Variants in TMEM35B observed in about 807,000 individuals in gnomAD.
TMEM35B encodes transmembrane protein 35B.
Under a neutral mutation model 8.7 loss-of-function variants are expected in TMEM35B, and 6 were observed. The observed-to-expected ratio is 0.69, with a 90% CI of 0.38 to 1.36. The LOEUF (loss-of-function observed/expected upper bound fraction) is 1.36. Among genes scored for constraint, TMEM35B ranks in the 40% most tolerant of loss-of-function variants. TMEM35B has a pLI of 0.02. For missense variants in TMEM35B, 176 were observed against 181.6 expected, an observed-to-expected ratio of 0.97 and a Z score of 0.18; for synonymous variants, 89 against 87.0, an observed-to-expected ratio of 1.02 and a Z score of -0.13.
downstream of TMEM35B, chr1:34,981,436 C>T (rs1640505776): frequency 6.6e-6 from 1 of 152,140 alleles, no homozygotes; most frequent in Non-Finnish European, 1.5e-5. Context: ...TTGAGAATAA[C>T]CCAAATGTTC....
At chr1:34,984,207 C>A (rs1640538159) in intron 1 of TMEM35B, among the ~76,000 whole-genome samples, 1 of 152,212 alleles carries the variant, frequency 6.6e-6, no homozygotes, top group Non-Finnish European at 1.5e-5. Context: ...AGATTACAAC[C>A]CAGCCCCAAA....
chr1:34,985,312 G>C, exon 1 of TMEM35B: 1 of 1,526,648 alleles, frequency 6.6e-7, no homozygotes, highest in Non-Finnish European at 8.8e-7. Context: ...CCATGGCCGC[G>C]CTCCCCCCAC....
intron 1 of TMEM35B, 82 bp downstream of exon 1, chr1:34,985,116 G>T: frequency 8.7e-7 from 1 of 1,144,656 alleles, no homozygotes; most frequent in Non-Finnish European, 1.2e-6. Context: ...AAGGCGGCCT[G>T]CCGGGCCGGG....
In TMEM35B at chr1:34,983,966, GC is replaced by G. The variant is rs1640535109; in HGVS notation, c.109-20del. 2.1e-6 allele frequency: 3 copies of G among 1,447,886 alleles called. No individual in the cohort carries two copies. The highest frequency in any genetic ancestry group is 2.7e-6 in the Non-Finnish European group (3 of 1,091,058). 89.7% of individuals were successfully genotyped at this position (1,447,886 alleles called of 1,614,324 possible). On this transcript the variant is annotated intron_variant, in intron 1 of 2. Transcript: ENST00000373337. ...GGGCATTCTAGGGGTGGCAAGGAAT[GC>G]CTGTTAGCCTCATTGTTCAACAAGG...
In TMEM35B at chr1:34,983,728, C is replaced by G. The variant is rs928255436; in HGVS notation, c.289+39G>C. The G allele has an allele frequency of 1.3e-5, 19 of 1,432,746 alleles. No homozygotes were observed. In the Admixed American group the frequency reaches 2.1e-4, roughly 16 times the overall value. The allele number at this position is 1,432,746 out of a possible 1,614,324, so 88.8% of individuals were successfully genotyped here. A position where few individuals can be genotyped will look rare whatever the true frequency, so the allele number is the denominator to read the frequency against. ...GCCAGGTCTTTCCATAATCCTCCCC[C>G]AGAAGACCCCATTTTCTCAGGCCAG... is the stretch of plus-strand genomic sequence containing the variant. On this transcript the variant is annotated intron_variant, in intron 2 of 2. Transcript: ENST00000373337.
chr1:34,984,861 G>A (rs761345924), intron 1 of TMEM35B, among the ~76,000 whole-genome samples: 150 of 149,092 alleles, frequency 1.0e-3, no homozygotes, highest in Non-Finnish European at 1.9e-3. Context: ...CGAAAAGAGG[G>A]AAGAGAGCGG....
chr1:34,981,758 T>C (rs1640508989), exon 3 of TMEM35B: 2 of 406,858 alleles, frequency 4.9e-6, no homozygotes, highest in Non-Finnish European at 8.3e-6. Flanking sequence ...GGAATGTTAA[T>C]ATGCATAACA....
chr1:34,983,838 C>G, exon 2 of TMEM35B: 1 of 1,546,858 alleles, frequency 6.5e-7, no homozygotes, highest in South Asian at 1.2e-5. Flanking sequence ...CAGCAGCAAC[C>G]CAGCCAGCAG....
At chr1:34,985,079 C>T (rs1467213998) in intron 1 of TMEM35B, 119 bp downstream of exon 1, 1 of 732,920 alleles carries the variant, frequency 1.4e-6, no homozygotes, top group South Asian at 2.4e-5. Flanking sequence ...CGCTTTCCCC[C>T]AGCTCCAGCT....
chr1:34,983,894 G>A, exon 2 of TMEM35B: 1 of 1,542,888 alleles, frequency 6.5e-7, no homozygotes, highest in South Asian at 1.2e-5. Flanking sequence ...GATCTGGCTG[G>A]TAGCCAAATA....
At chr1:34,982,691 G>A (rs1640520506) in intron 2 of TMEM35B, among the ~76,000 whole-genome samples, 1 of 152,116 alleles carries the variant, frequency 6.6e-6, no homozygotes, top group African/African-American at 2.4e-5. Context: ...TGGTCAGGCT[G>A]GTCTTGAACT....
At chr1:34,985,257 CGAA>C (rs1640556842) in exon 1 of TMEM35B, 9 of 1,545,606 alleles carry the variant, frequency 5.8e-6, no homozygotes, top group East Asian at 2.5e-5. Flanking sequence ...CCCACGAGCG[CGAA>C]GAAGCCGCCC....
intron 2 of TMEM35B, among the ~76,000 whole-genome samples, chr1:34,982,911 G>A (rs751297067): frequency 6.6e-6 from 1 of 152,206 alleles, no homozygotes; most frequent in African/African-American, 2.4e-5. Context: ...TGGTAGCAGT[G>A]GCAGCAATGG....
In TMEM35B at chr1:34,984,091, G is replaced by C. The variant is rs1018706521; in HGVS notation, c.109-144C>G. ...TAGGTCAGGTCCAGGGCTGAGGTCA[G>C]CCTGAAGAGGAGAGGGCTGCCCTGT... On this transcript the variant is annotated intron_variant, in intron 1 of 2. Coordinates refer to ENST00000373337, the Ensembl canonical transcript of TMEM35B. 19 of 756,526 alleles carry C rather than the reference G, an allele frequency of 2.5e-5. No homozygotes were observed. The African/African-American group carries it at 3.4e-4, about 14-fold the overall frequency. The allele number at this position is 756,526 out of a possible 1,614,324, so 46.9% of individuals were successfully genotyped here.
intron 2 of TMEM35B, among the ~76,000 whole-genome samples, chr1:34,983,393 A>G (rs1459377781): frequency 6.6e-6 from 1 of 151,976 alleles, no homozygotes; most frequent in Non-Finnish European, 1.5e-5. Context: ...CCTGGCTAAC[A>G]TGGTGAAACC....
exon 3 of TMEM35B, chr1:34,982,032 T>G (rs1390545829): frequency 1.3e-6 from 2 of 1,550,292 alleles, no homozygotes; most frequent in Non-Finnish European, 1.7e-6. Context: ...CTGGCCGACA[T>G]TCAGCAGCAG....
chr1:34,985,151 C>T (rs1054973186), intron 1 of TMEM35B, 47 bp downstream of exon 1: 1 of 1,454,758 alleles, frequency 6.9e-7, no homozygotes, highest in African/African-American at 1.5e-5. Flanking sequence ...GGGCGGAGCA[C>T]ACGCCGCCGC....
intron 2 of TMEM35B, among the ~76,000 whole-genome samples, chr1:34,982,941 T>C (rs889521524): frequency 2.0e-5 from 3 of 152,228 alleles, no homozygotes; most frequent in African/African-American, 7.2e-5. Flanking sequence ...CCAGGGCATA[T>C]AGAAGAGCCT....
intron 1 of TMEM35B, among the ~76,000 whole-genome samples, chr1:34,984,635 G>T (rs977041638): frequency 8.5e-5 from 13 of 152,184 alleles, no homozygotes; most frequent in African/African-American, 2.9e-4. Flanking sequence ...CTAGACAGAA[G>T]GCTGAAAGAC....
Sources: allele counts gnomAD v4.1 joint callset (sites outside exome capture counted in the v4.1 genomes callset), GRCh38; gene constraint gnomAD v4.1.1; transcripts MANE v1.5; gene names NCBI Gene and HGNC (gene_info 2026-07-23, HGNC 2026-07-21).